AGMO: variants seen among roughly 807,000 people sequenced by gnomAD.
AGMO encodes alkylglycerol monooxygenase.
In AGMO, 75 loss-of-function variants were observed where a neutral mutation model predicts 60.2. That is an observed-to-expected ratio of 1.25 (90% CI 1.03 to 1.51). The LOEUF is 1.51. AGMO is among the 40% of genes most tolerant of loss of function. The pLI, the probability that AGMO is intolerant of heterozygous loss-of-function variation, is 0.00. For synonymous variants in AGMO, 261 were observed against 177.1 expected (o/e 1.47, Z -3.76); for missense variants, 763 against 525.5 (o/e 1.45, Z -4.42).
At chr7:15,445,247 T>C (rs1486951768) in intron 3 of AGMO, among the ~76,000 whole-genome samples, 1 of 152,126 alleles carries the variant, frequency 6.6e-6, no homozygotes, top group Non-Finnish European at 1.5e-5. Context: ...TGTAGGTCAA[T>C]AATAATGTGT....
chr7:15,450,975 G>C (rs1781841649), intron 3 of AGMO, among the ~76,000 whole-genome samples: 1 of 152,002 alleles, frequency 6.6e-6, no homozygotes, highest in South Asian at 2.1e-4. Flanking sequence ...GCTAACTGTT[G>C]TTAATGATTT....
intron 11 of AGMO, 100 bp downstream of exon 11, chr7:15,366,039 TA>T: frequency 1.2e-6 from 1 of 809,460 alleles, no homozygotes; most frequent in Non-Finnish European, 1.9e-6. Flanking sequence ...TATTTATTTT[TA>T]AAACTACACT....
chr7:15,318,786 C>T (rs1206722215), intron 12 of AGMO, among the ~76,000 whole-genome samples: 1 of 152,064 alleles, frequency 6.6e-6, no homozygotes, highest in East Asian at 1.9e-4. Context: ...TATCAATCCT[C>T]TTTTACAGGT....
the AGMO span, among the ~76,000 whole-genome samples, chr7:15,192,880 C>T: frequency 5.0e-4 from 76 of 152,210 alleles, 2 homozygotes; most frequent in South Asian, 0.011. Flanking sequence ...GTTTCAATGT[C>T]ACCAAAGCAA....
rs1273032203 is a variant in AGMO at position 15,261,386 on chromosome 7, A to T, written c.1264-60027T>A. ...CTACTATGAACATCTTTATGCACAT[A>T]AACTGGAAATCCTACAAGAGATGAA... is the stretch of plus-strand genomic sequence containing the variant. On this transcript the variant is annotated intron_variant, in intron 12 of 12. Transcript: ENST00000342526. Among the ~76,000 whole-genome samples, 3 of 152,240 alleles carry T rather than the reference A, an allele frequency of 2.0e-5. No individual in the cohort carries two copies. The East Asian group carries it at 5.8e-4, about 29-fold the overall frequency.
intron 3 of AGMO, among the ~76,000 whole-genome samples, chr7:15,495,627 G>A (rs752122584): frequency 6.6e-6 from 1 of 152,158 alleles, no homozygotes; most frequent in Non-Finnish European, 1.5e-5. Flanking sequence ...TCAGGCTGCT[G>A]TAACAAAATA....
the AGMO span, among the ~76,000 whole-genome samples, chr7:15,177,060 T>C: frequency 2.6e-5 from 4 of 151,900 alleles, no homozygotes; most frequent in Non-Finnish European, 1.5e-5. Flanking sequence ...TTCATAAACA[T>C]AAAAAGGTAA....
At chr7:15,407,799 A>C (rs1342160493) in intron 5 of AGMO, among the ~76,000 whole-genome samples, 1 of 151,888 alleles carries the variant, frequency 6.6e-6, no homozygotes, top group African/African-American at 2.4e-5. Flanking sequence ...TGGAATTCAG[A>C]GAATAATGAG....
intron 4 of AGMO, 109 bp from the exon 5 acceptor site, chr7:15,418,762 T>A: frequency 1.5e-6 from 1 of 645,200 alleles, no homozygotes. Flanking sequence ...TATCTCATAC[T>A]ATATACTGTA....
rs60202363 is a variant in AGMO at position 15,365,380 on chromosome 7, T to TAAAAAAAAAAAAAAAAAAAAAAAAA, written c.1263+133_1263+134insTTTTTTTTTTTTTTTTTTTTTTTTT. On this transcript the variant is annotated intron_variant, in intron 12 of 12. Coordinates refer to ENST00000342526, the MANE Select transcript of AGMO (RefSeq NM_001004320.2). ...GACACAACTAACAAGTACTGGTAAG[T>TAAAAAAAAAAAAAAAAAAAAAAAAA]AAAAAAAAAAAAAAAGATCAAGATT... 343 of 223,768 alleles carry TAAAAAAAAAAAAAAAAAAAAAAAAA rather than the reference T, an allele frequency of 1.5e-3. 26 individuals are homozygous for TAAAAAAAAAAAAAAAAAAAAAAAAA. Among genetic ancestry groups the TAAAAAAAAAAAAAAAAAAAAAAAAA allele is most frequent in the African/African-American group, 4.4e-3 (76 of 17,240 alleles). The allele number at this position is 223,768 out of a possible 1,614,324, so 13.9% of individuals were successfully genotyped here. A position where few individuals can be genotyped will look rare whatever the true frequency, so the allele number is the denominator to read the frequency against.
chr7:15,396,703 T>C (rs993315418), intron 5 of AGMO: 2 of 151,398 alleles, frequency 1.3e-5, no homozygotes, highest in African/African-American at 4.9e-5. Context: ...ATTGGTCCAC[T>C]TTACAGAGAG....
At chr7:15,493,358 C>CACACAT (rs1261896464) in intron 3 of AGMO, among the ~76,000 whole-genome samples, 1 of 96,868 alleles carries the variant, frequency 1.0e-5, no homozygotes, top group African/African-American at 3.8e-5. Flanking sequence ...CACACACACA[C>CACACAT]ACACTTCTTT....
intron 3 of AGMO, among the ~76,000 whole-genome samples, chr7:15,461,716 T>G (rs551610241): frequency 1.3e-5 from 2 of 152,202 alleles, no homozygotes; most frequent in South Asian, 2.1e-4. Context: ...ATTCAGGATT[T>G]TAGAATTCGT....
intron 10 of AGMO, 57 bp from the exon 11 acceptor site, chr7:15,366,279 C>G: frequency 7.3e-7 from 1 of 1,373,320 alleles, no homozygotes; most frequent in Non-Finnish European, 1.0e-6. Flanking sequence ...AAAAGGTACA[C>G]GAACGGTTAA....
At chr7:15,513,276 T>C (rs1037304059) in intron 3 of AGMO, among the ~76,000 whole-genome samples, 52 of 116,848 alleles carry the variant, frequency 4.5e-4, no homozygotes, top group African/African-American at 1.7e-3. Flanking sequence ...TTTTATCAGA[T>C]ACCTATAGCA....
chr7:15,210,359 T>G (rs1781553862), intron 12 of AGMO, among the ~76,000 whole-genome samples: 1 of 152,170 alleles, frequency 6.6e-6, no homozygotes, highest in South Asian at 2.1e-4. Flanking sequence ...AAATAGTACA[T>G]AAGATCCTCT....
chr7:15,476,564 G>A (rs746223268), intron 3 of AGMO, among the ~76,000 whole-genome samples: 6 of 151,910 alleles, frequency 3.9e-5, no homozygotes, highest in Admixed American at 6.6e-5. Context: ...ATACAATCTG[G>A]GTTTGTGGTG....
the AGMO span, among the ~76,000 whole-genome samples, chr7:15,133,672 T>TA: frequency 1.3e-5 from 2 of 152,186 alleles, no homozygotes; most frequent in African/African-American, 4.8e-5. Flanking sequence ...AGGATGGTGA[T>TA]ATATAGGAAA....
At chr7:15,360,906 C>A (rs1782724916) in intron 12 of AGMO, among the ~76,000 whole-genome samples, 1 of 150,960 alleles carries the variant, frequency 6.6e-6, no homozygotes, top group Non-Finnish European at 1.5e-5. Flanking sequence ...AGGTTATGAT[C>A]CTCATGAAAA....
Sources: allele counts gnomAD v4.1 joint callset (sites outside exome capture counted in the v4.1 genomes callset), GRCh38; gene constraint gnomAD v4.1.1; transcripts MANE v1.5; gene names NCBI Gene and HGNC (gene_info 2026-07-23, HGNC 2026-07-21).